The following OR2C1 variants were observed in gnomAD, a reference collection of about 807,000 sequenced individuals.
OR2C1 encodes the protein olfactory receptor family 2 subfamily C member 1, also known as olfactory receptor 2C1.
For synonymous variants in OR2C1, 209 were observed against 167.3 expected (o/e 1.25, Z -1.92); for missense variants, 468 against 388.3 (o/e 1.21, Z -1.73).
Position 3,356,611 on chromosome 16 carries a change from C to A in OR2C1, c.671C>A (p.Ala224Glu). ...IVISYCLIAQ[A>E]VLKIRSAEGR... Reference sequence around the variant, plus strand: ...ATCTCCTACTGCCTCATTGCTCAGGCAGTGCTGAAAATCCGCTCTGCAGAG... The same window carrying A: ...ATCTCCTACTGCCTCATTGCTCAGGAAGTGCTGAAAATCCGCTCTGCAGAG... Residue 224 changes from alanine (A) to glutamate (E), a missense_variant, in exon 1 of 1, where the codon GCA becomes GAA. Transcript: ENST00000304936. The A allele has an allele frequency of 2.5e-6, 4 of 1,614,162 alleles. No individual in the cohort carries two copies. Among genetic ancestry groups the A allele is most frequent in the Non-Finnish European group, 3.4e-6 (4 of 1,180,036 alleles).
the OR2C1 span, among the ~76,000 whole-genome samples, chr16:3,336,690 A>T: frequency 0.056 from 3,002 of 53,440 alleles, no homozygotes; most frequent in South Asian, 0.064. Context: ...TTTTTTTTCT[A>T]TTTTCTTTTC....
chr16:3,344,035 A>G, the OR2C1 span, among the ~76,000 whole-genome samples: 1 of 152,124 alleles, frequency 6.6e-6, no homozygotes, highest in Non-Finnish European at 1.5e-5. Context: ...CCAGGCCAAC[A>G]TGGCAAAACC....
the OR2C1 span, among the ~76,000 whole-genome samples, chr16:3,344,556 T>G: frequency 1.3e-5 from 2 of 152,112 alleles, no homozygotes; most frequent in East Asian, 3.9e-4. Context: ...TGAAACCCCA[T>G]CTCTACTAAA....
upstream of OR2C1, among the ~76,000 whole-genome samples, chr16:3,351,699 C>CA (rs1286878102): frequency 2.6e-5 from 4 of 152,140 alleles, no homozygotes; most frequent in Admixed American, 2.6e-4. Context: ...GCTTACTCCC[C>CA]AGCCCTTACA....
At chr16:3,335,507 A>G in the OR2C1 span, among the ~76,000 whole-genome samples, 1 of 144,392 alleles carries the variant, frequency 6.9e-6, no homozygotes, top group Non-Finnish European at 1.5e-5. Context: ...ATTGGCATAT[A>G]TAAATGCTAC....
the OR2C1 span, among the ~76,000 whole-genome samples, chr16:3,332,002 C>T: frequency 1.3e-5 from 2 of 149,274 alleles, no homozygotes; most frequent in East Asian, 2.0e-4. Context: ...TGCATATTTT[C>T]ACTCATAGGT....
chr16:3,357,752 C>T (rs184601012), downstream of OR2C1, among the ~76,000 whole-genome samples: 98 of 151,378 alleles, frequency 6.5e-4, no homozygotes, highest in East Asian at 0.016. Flanking sequence ...GAGGCCGAGG[C>T]GGGTGGATCA....
At chr16:3,335,483 T>C in the OR2C1 span, among the ~76,000 whole-genome samples, 1 of 151,800 alleles carries the variant, frequency 6.6e-6, no homozygotes, top group Non-Finnish European at 1.5e-5. Flanking sequence ...TTTTCATGTT[T>C]CAGATTGTGT....
At chr16:3,353,951 T>TTTTG (rs995672370), upstream of OR2C1, among the ~76,000 whole-genome samples, 980 of 151,034 alleles carry the variant, frequency 6.5e-3, 13 homozygotes, top group African/African-American at 0.022. Flanking sequence ...GAGATGGGTT[T>TTTTG]TTTGTTTGTT....
the OR2C1 span, among the ~76,000 whole-genome samples, chr16:3,330,574 A>C: frequency 6.6e-6 from 1 of 152,148 alleles, no homozygotes; most frequent in Non-Finnish European, 1.5e-5. Context: ...TTGCCTTGTG[A>C]ACCATCATAA....
chr16:3,332,866 T>C, the OR2C1 span, among the ~76,000 whole-genome samples: 207 of 152,244 alleles, frequency 1.4e-3, 3 homozygotes, highest in South Asian at 0.031. Flanking sequence ...TTCAATATAT[T>C]GACTTCCTTT....
At chr16:3,354,324 A>T (rs2030625361), upstream of OR2C1, among the ~76,000 whole-genome samples, 1 of 152,184 alleles carries the variant, frequency 6.6e-6, no homozygotes, top group Non-Finnish European at 1.5e-5. Context: ...TTAGACGTGG[A>T]CACAGTAGTT....
chr16:3,327,577 C>T, the OR2C1 span, among the ~76,000 whole-genome samples: 3 of 151,400 alleles, frequency 2.0e-5, no homozygotes, highest in Non-Finnish European at 4.4e-5. Context: ...ATCCCAGATG[C>T]CTCGTAATGA....
the OR2C1 span, among the ~76,000 whole-genome samples, chr16:3,327,748 C>G: frequency 6.6e-6 from 1 of 151,976 alleles, no homozygotes; most frequent in Non-Finnish European, 1.5e-5. Flanking sequence ...TCCTGAAAGC[C>G]TACTGAACAA....
Position 3,356,725 on chromosome 16 carries a change from C to T in OR2C1, c.785C>T (p.Pro262Leu), listed in dbSNP as rs144009681. The part of the protein sequence containing the change: ...YGSASYGYLL[P>L]AKNSKQDQGK... ...TCAGCCAGCTATGGGTATCTGCTTCCGGCCAAGAACAGCAAACAGGACCAG... is the reference window on the plus strand; with the variant it reads ...TCAGCCAGCTATGGGTATCTGCTTCTGGCCAAGAACAGCAAACAGGACCAG... The change falls in exon 1 of 1, where the codon CCG (proline) becomes CTG (leucine). Residue 262 changes from proline to leucine, a missense_variant. Physicochemically the swap from Pro to Leu is moderately conservative, Grantham distance 98. Transcript: ENST00000304936. 25 of 1,614,100 alleles carry T rather than the reference C, an allele frequency of 1.5e-5. No individual in the cohort carries two copies. The highest frequency in any genetic ancestry group is 1.6e-4 in the Middle Eastern group (1 of 6,062).
the OR2C1 span, among the ~76,000 whole-genome samples, chr16:3,325,977 C>G: frequency 6.9e-6 from 1 of 145,448 alleles, no homozygotes; most frequent in African/African-American, 2.6e-5. Flanking sequence ...GTTGCCCAGG[C>G]TGGAGTGCAG....
chr16:3,353,752 G>A (rs1276474749), upstream of OR2C1, among the ~76,000 whole-genome samples: 1 of 151,830 alleles, frequency 6.6e-6, no homozygotes, highest in East Asian at 1.9e-4. Context: ...AGTGAGCTGA[G>A]ATCACGCCAC....
rs113396384 is a variant in OR2C1 at position 3,356,478 on chromosome 16, G to A, written c.538G>A (p.Glu180Lys). Residue 180 changes from glutamate (E) to lysine (K), a missense_variant, in exon 1 of 1, where the codon GAG becomes AAG. Transcript: ENST00000304936. ...GHRRVEGFLCEVPAMIKLACG... is the reference protein window; with the variant it reads ...GHRRVEGFLCKVPAMIKLACG... ...CCGGAGGGTGGAGGGATTCCTCTGCGAGGTGCCTGCCATGATCAAACTGGC... is the reference window on the plus strand; with the variant it reads ...CCGGAGGGTGGAGGGATTCCTCTGCAAGGTGCCTGCCATGATCAAACTGGC... The A allele has an allele frequency of 4.4e-3, 7,103 of 1,614,082 alleles. 15 individuals are homozygous for A. The highest frequency in any genetic ancestry group is 5.2e-3 in the Non-Finnish European group (6,161 of 1,180,044).
At chr16:3,322,955 G>C in the OR2C1 span, 1 of 985,052 alleles carries the variant, frequency 1.0e-6, no homozygotes, top group Non-Finnish European at 1.2e-6. Context: ...CCGCCGACAA[G>C]GAGGCAGCCA....
Sources: allele counts gnomAD v4.1 joint callset (sites outside exome capture counted in the v4.1 genomes callset), GRCh38; gene constraint gnomAD v4.1.1; transcripts MANE v1.5; gene names NCBI Gene and HGNC (gene_info 2026-07-23, HGNC 2026-07-21).